PRKN: variants seen among roughly 807,000 people sequenced by gnomAD.
PRKN encodes E3 ubiquitin-protein ligase parkin.
PRKN carries 56 observed loss-of-function variants against 59.5 expected under a neutral mutation model. The ratio of observed to expected loss-of-function variants is 0.94; its 90% CI spans 0.76 to 1.18. The LOEUF (loss-of-function observed/expected upper bound fraction) is 1.18. Ranked by LOEUF, PRKN falls within the 50% of genes most tolerant of loss-of-function variation. The probability of loss-of-function intolerance (pLI) is 0.00; values close to 1 mark genes in which losing one functional copy is unlikely to be tolerated. For missense variants in PRKN, 657 were observed against 596.4 expected (o/e 1.10, Z -1.06); for synonymous variants, 250 against 222.1 (o/e 1.13, Z -1.12).
rs79291925 is a variant in PRKN, at chr6:161,377,187, A to G, written c.1167+9607T>C. On this transcript the variant is annotated intron_variant, in intron 10 of 11. Transcript: ENST00000366898. This position sits in a 1 kb window ranked among gnomAD's most constrained non-coding sequence, Gnocchi z 4.2. ...GGGGTTCAGCAGCTGAGAACGATGG[A>G]CCATTTGAAAGAGAGCCCCTGGCAC... Among the ~76,000 whole-genome samples the G allele has an allele frequency of 2.1e-3, 318 of 152,278 alleles. 1 individual carries two copies. Among genetic ancestry groups the G allele is most frequent in the African/African-American group, 7.1e-3 (296 of 41,558 alleles).
chr6:162,397,972 C>G (rs1288211284), intron 2 of PRKN, among the ~76,000 whole-genome samples: 1 of 147,846 alleles, frequency 6.8e-6, no homozygotes, highest in Non-Finnish European at 1.5e-5. Flanking sequence ...AGTACCTGGA[C>G]GTTGCAGTGA....
chr6:161,698,642 G>A (rs1786123354), intron 7 of PRKN, among the ~76,000 whole-genome samples: 1 of 152,120 alleles, frequency 6.6e-6, no homozygotes, highest in East Asian at 1.9e-4. Context: ...AGGATAGAGA[G>A]TTCATAGATA....
chr6:162,453,291 G>T (rs1562776438), intron 1 of PRKN, among the ~76,000 whole-genome samples: 1 of 152,308 alleles, frequency 6.6e-6, no homozygotes, highest in African/African-American at 2.4e-5. Flanking sequence ...TTTGACGAGG[G>T]TGTATCTCCA....
Position 162,663,971 on chromosome 6 carries a change from C to G in PRKN, c.7+63691G>C, listed in dbSNP as rs190767557. ...TGTGTGCAGAACATGCAGGTATACA[C>G]GTTCTGGTACATAGGTATATGTGTG... On this transcript the variant is annotated intron_variant, in intron 1 of 11. Coordinates refer to ENST00000366898, the MANE Select transcript of PRKN (RefSeq NM_004562.3). Among the ~76,000 whole-genome samples the G allele has an allele frequency of 1.1e-4, 17 of 151,926 alleles. No individual in the cohort carries two copies. In the East Asian group the frequency reaches 3.1e-3, roughly 28 times the overall value.
intron 3 of PRKN, among the ~76,000 whole-genome samples, chr6:162,258,177 TC>T (rs566510528): frequency 1.1e-4 from 17 of 152,296 alleles, no homozygotes; most frequent in African/African-American, 3.8e-4. Context: ...ATACTCTTTG[TC>T]CCCTTGACTC....
Position 161,367,060 on chromosome 6 carries a change from G to A in PRKN, c.1168-6855C>T, listed in dbSNP as rs370471355. Among the ~76,000 whole-genome samples, 74 of 137,902 alleles carry A rather than the reference G, an allele frequency of 5.4e-4. 1 individual carries two copies. The South Asian group carries it at 0.016, about 29-fold the overall frequency. The allele number at this position is 137,902 out of a possible 152,430, so 90.5% of individuals were successfully genotyped here. A position where few individuals can be genotyped will look rare whatever the true frequency, so the allele number is the denominator to read the frequency against. On this transcript the variant is annotated intron_variant, in intron 10 of 11. Coordinates refer to ENST00000366898, the MANE Select transcript of PRKN (RefSeq NM_004562.3). ...GGCTGGACTGCAGTGGCGTGATCTC[G>A]GCTCACTGCAAGCTCCGCCTCCCGG...
chr6:161,745,620 C>A (rs1788382313), intron 7 of PRKN, among the ~76,000 whole-genome samples: 1 of 152,084 alleles, frequency 6.6e-6, no homozygotes, highest in African/African-American at 2.4e-5. Flanking sequence ...CTAAGGACAG[C>A]AAACAATTAA....
At chr6:161,765,982 A>G (rs181032988) in intron 7 of PRKN, among the ~76,000 whole-genome samples, 147 of 152,304 alleles carry the variant, frequency 9.7e-4, no homozygotes, top group African/African-American at 3.4e-3. Flanking sequence ...TCTATGCTCT[A>G]TTATTTTAGG....
chr6:162,033,984 A>T (rs915046928), intron 5 of PRKN, among the ~76,000 whole-genome samples: 3 of 152,166 alleles, frequency 2.0e-5, no homozygotes, highest in African/African-American at 7.2e-5. Flanking sequence ...CTTTGATGTA[A>T]CTGGTCCTAA....
chr6:161,979,367 G>A (rs1781175034), intron 5 of PRKN, among the ~76,000 whole-genome samples: 1 of 152,136 alleles, frequency 6.6e-6, no homozygotes, highest in African/African-American at 2.4e-5. Context: ...ACGCCTCCCA[G>A]TTTCAAGCAA....
chr6:162,197,176 C>T (rs1784526562), intron 4 of PRKN, among the ~76,000 whole-genome samples: 1 of 152,094 alleles, frequency 6.6e-6, no homozygotes, highest in Admixed American at 6.6e-5. Flanking sequence ...AATGAAACCT[C>T]AGAATTGCCT....
intron 6 of PRKN, among the ~76,000 whole-genome samples, chr6:161,790,732 C>G (rs1790604951): frequency 6.6e-6 from 1 of 152,122 alleles, no homozygotes; most frequent in Non-Finnish European, 1.5e-5. Flanking sequence ...AAATAAATTC[C>G]TGTTGTTTAT....
intron 7 of PRKN, among the ~76,000 whole-genome samples, chr6:161,749,951 A>C (rs78384804): frequency 0.02 from 3,106 of 152,216 alleles, 43 homozygotes; most frequent in Admixed American, 0.032. Flanking sequence ...ACATTTGTCT[A>C]AAATGCTGAT....
chr6:162,405,764 C>T (rs1788030817), intron 2 of PRKN, among the ~76,000 whole-genome samples: 1 of 152,050 alleles, frequency 6.6e-6, no homozygotes, highest in Non-Finnish European at 1.5e-5. Context: ...TGAGAATGTG[C>T]CATCCGCAAG....
chr6:161,382,586 G>T (rs947704821), intron 10 of PRKN, among the ~76,000 whole-genome samples: 2 of 152,152 alleles, frequency 1.3e-5, no homozygotes, highest in African/African-American at 4.8e-5. Flanking sequence ...GCCTCCAGGG[G>T]CAATACGCGG....
At chr6:161,558,342 G>A (rs553278883) in intron 8 of PRKN, among the ~76,000 whole-genome samples, 10 of 152,086 alleles carry the variant, frequency 6.6e-5, no homozygotes, top group African/African-American at 2.2e-4. Context: ...TGGGAGGATC[G>A]TTTGAGACCA....
chr6:161,434,444 G>A (rs1439384874), intron 9 of PRKN, among the ~76,000 whole-genome samples: 1 of 152,122 alleles, frequency 6.6e-6, no homozygotes, highest in Non-Finnish European at 1.5e-5. Flanking sequence ...TTTGCACCCA[G>A]ACTCCGTCTT....
intron 4 of PRKN, among the ~76,000 whole-genome samples, chr6:162,060,319 T>A (rs997967577): frequency 6.6e-6 from 1 of 152,182 alleles, no homozygotes; most frequent in Admixed American, 6.5e-5. Context: ...AATCCTGGGA[T>A]TCATCAAATT....
At chr6:162,254,725 C>A (rs1779575653) in intron 3 of PRKN, among the ~76,000 whole-genome samples, 1 of 152,118 alleles carries the variant, frequency 6.6e-6, no homozygotes, top group African/African-American at 2.4e-5. Flanking sequence ...TGACCTATAT[C>A]TGTGACCTAT....
Sources: gnomAD v4.1 joint callset for allele counts (sites outside exome capture counted in the v4.1 genomes callset) on GRCh38, gnomAD v4.1.1 for gene constraint, Gnocchi (gnomAD v3.1) non-coding constraint, MANE v1.5 for transcripts, NCBI Gene and HGNC (gene_info 2026-07-23, HGNC 2026-07-21) for gene names.